Variants in PIK3C2B observed in about 807,000 individuals in gnomAD.
PIK3C2B encodes the protein phosphatidylinositol 4-phosphate 3-kinase C2 domain-containing subunit beta.
In PIK3C2B, 83 loss-of-function variants were observed where a neutral mutation model predicts 184.3. The ratio of observed to expected loss-of-function variants is 0.45; its 90% confidence interval spans 0.38 to 0.54. The LOEUF is 0.54. Among genes scored for constraint, PIK3C2B ranks in the 20% least tolerant of loss-of-function variants. The pLI is 0.00. For synonymous variants in PIK3C2B, 779 were observed against 837.6 expected (o/e 0.93, Z 1.21); for missense variants, 1,736 against 2,113.5 (o/e 0.82, Z 3.50).
At chr1:204,445,601 C>CAAAAAAAAAAAAAA (rs11287807) in intron 16 of PIK3C2B, among the ~76,000 whole-genome samples, 1 of 121,620 alleles carries the variant, frequency 8.2e-6, no homozygotes, top group Non-Finnish European at 1.6e-5. Context: ...GACCCTGTCT[C>CAAAAAAAAAAAAAA]AAAAAAAAAA....
Position 204,457,876 on chromosome 1 carries a change from T to C in PIK3C2B, c.1567-2A>G. On this transcript the variant is annotated splice_acceptor_variant, in intron 8 of 32. Coordinates refer to ENST00000684373, the MANE Select transcript of PIK3C2B (RefSeq NM_001377334.1). LOFTEE classifies it high-confidence loss of function. ...GTCAGCCTTCAGTGGGAAGTCTCCCTGTGGGAGGTGGCACAGTGAGGCTGG... is the reference window on the plus strand; with the variant it reads ...GTCAGCCTTCAGTGGGAAGTCTCCCCGTGGGAGGTGGCACAGTGAGGCTGG... 1 of 1,611,868 alleles carries C rather than the reference T, an allele frequency of 6.2e-7. No homozygotes were observed.
At chr1:204,445,633 T>G (rs1015908388) in intron 16 of PIK3C2B, among the ~76,000 whole-genome samples, 2 of 144,144 alleles carry the variant, frequency 1.4e-5, no homozygotes, top group African/African-American at 2.6e-5. Context: ...AAAAATAAGA[T>G]GGATAGATGG....
At position 204,469,775 on chromosome 1, in the gene PIK3C2B, G is replaced by A. The variant is rs2103516797; in HGVS notation, c.28C>T (p.His10Tyr). 2 of 1,613,798 alleles carry A rather than the reference G, an allele frequency of 1.2e-6. No individual in the cohort carries two copies. The highest frequency in any genetic ancestry group is 1.7e-6 in the Non-Finnish European group (2 of 1,179,748). MSSTQGNGE[H>Y]WKSLESVGIS... The stretch of plus-strand genomic sequence containing the variant: ...CCCACTGACTCCAGGGACTTCCAGT[G>A]TTCCCCATTGCCCTGAGTCGAAGAC... Residue 10 changes from histidine (H) to tyrosine (Y), a missense_variant, in exon 2 of 33, where the codon CAC (histidine) becomes TAC (tyrosine). Around this residue, in one of 8 missense-constraint regions of PIK3C2B, gnomAD observed 404 missense variants for 418.0 expected, o/e 0.97. Coordinates refer to ENST00000684373, the MANE Select transcript of PIK3C2B (RefSeq NM_001377334.1).
At chr1:204,427,891 T>A in intron 30 of PIK3C2B, 137 bp from the exon 31 acceptor site, 1 of 679,856 alleles carries the variant, frequency 1.5e-6, no homozygotes, top group South Asian at 1.7e-5. Context: ...GTAGTCTGAA[T>A]GTGATTAGAG....
intron 5 of PIK3C2B, among the ~76,000 whole-genome samples, chr1:204,462,572 A>T (rs1572359410): frequency 6.6e-6 from 1 of 152,124 alleles, no homozygotes. Context: ...CTGCCAGGCA[A>T]CCCTGAGTCT....
At chr1:204,439,457 A>G (rs1675526244) in intron 22 of PIK3C2B, among the ~76,000 whole-genome samples, 1 of 152,144 alleles carries the variant, frequency 6.6e-6, no homozygotes, top group Admixed American at 6.5e-5. Context: ...ACTCCCTGCC[A>G]CCTTGGTTGG....
At position 204,468,956 on chromosome 1, in the gene PIK3C2B, G is replaced by C. The variant is rs1267294071; in HGVS notation, c.847C>G (p.Gln283Glu). 6.2e-7 allele frequency: 1 copy of C among 1,614,152 alleles called. No individual in the cohort carries two copies. The highest frequency in any genetic ancestry group is 1.1e-5 in the South Asian group (1 of 91,080). Residue 283 changes from glutamine (Q) to glutamate (E), a missense_variant, in exon 2 of 33, where the codon CAG becomes GAG. Gln to Glu is a conservative substitution (Grantham distance 29). Transcript: ENST00000684373. ...PVARSKTMPP[Q>E]VPPRTYASRY... ...GAGGCATAGGTGCGGGGGGGCACCT[G>C]AGGGGGCATAGTCTTGCTCCTGGCC...
intron 1 of PIK3C2B, among the ~76,000 whole-genome samples, chr1:204,485,816 C>T (rs1238180134): frequency 6.6e-6 from 1 of 152,056 alleles, no homozygotes; most frequent in Admixed American, 6.6e-5. Context: ...AGCGATCTGC[C>T]TGCCCCGGCC....
At chr1:204,457,635 A>C (rs1654980619) in intron 9 of PIK3C2B, 93 bp downstream of exon 9, 2 of 1,229,182 alleles carry the variant, frequency 1.6e-6, no homozygotes, top group Admixed American at 5.8e-5. Flanking sequence ...CTTTTTAGTG[A>C]GTGAACACCT....
chr1:204,478,185 C>T (rs1011154530), intron 1 of PIK3C2B, among the ~76,000 whole-genome samples: 2 of 152,248 alleles, frequency 1.3e-5, no homozygotes, highest in African/African-American at 4.8e-5. Context: ...GACTTAAACC[C>T]TTTGGTGTCC....
At chr1:204,491,454 A>C (rs1658000757) in intron 1 of PIK3C2B, among the ~76,000 whole-genome samples, 1 of 151,938 alleles carries the variant, frequency 6.6e-6, no homozygotes, top group Non-Finnish European at 1.5e-5. Flanking sequence ...ACCCTTTGGG[A>C]GGCCAAGGCA....
chr1:204,448,530 C>T (rs1654068012), intron 14 of PIK3C2B, among the ~76,000 whole-genome samples: 1 of 150,882 alleles, frequency 6.6e-6, no homozygotes, highest in Non-Finnish European at 1.5e-5. Flanking sequence ...CTCATCTACT[C>T]GGGAGGCTGA....
chr1:204,473,347 C>G (rs1656445243), intron 1 of PIK3C2B, among the ~76,000 whole-genome samples: 1 of 152,250 alleles, frequency 6.6e-6, no homozygotes, highest in Non-Finnish European at 1.5e-5. Context: ...AAGCAGTTCA[C>G]TGTTAACTTA....
intron 1 of PIK3C2B, among the ~76,000 whole-genome samples, chr1:204,492,852 C>G (rs1193003403): frequency 1.3e-5 from 2 of 152,208 alleles, no homozygotes; most frequent in African/African-American, 2.4e-5. Context: ...GCAATCAAAC[C>G]TCAGGCTCAC....
At chr1:204,491,388 C>CA (rs34371258) in intron 1 of PIK3C2B, among the ~76,000 whole-genome samples, 27,020 of 127,004 alleles carry the variant, frequency 0.21, 2,804 homozygotes, top group Middle Eastern at 0.34. Flanking sequence ...GACTCTGTCT[C>CA]AAAAAAAAAA....
chr1:204,493,643 C>T (rs1276143386), intron 1 of PIK3C2B, among the ~76,000 whole-genome samples: 1 of 152,082 alleles, frequency 6.6e-6, no homozygotes, highest in Non-Finnish European at 1.5e-5. Flanking sequence ...AGCCCCTGGG[C>T]TCCCCACCCT....
intron 2 of PIK3C2B, chr1:204,467,130 T>C (rs901988347): frequency 8.5e-6 from 3 of 354,766 alleles, no homozygotes; most frequent in Non-Finnish European, 1.7e-5. Flanking sequence ...TCTGATGACA[T>C]GCAGGGGATG....
At chr1:204,449,625 G>A (rs1011169650) in intron 13 of PIK3C2B, among the ~76,000 whole-genome samples, 1 of 152,142 alleles carries the variant, frequency 6.6e-6, no homozygotes, top group Non-Finnish European at 1.5e-5. Context: ...GCTTTTCCAT[G>A]TATCCTTAAC....
chr1:204,432,324 G>C lies in PIK3C2B; in HGVS notation c.4031C>G (p.Thr1344Arg). Residue 1344 changes from threonine (T) to arginine (R), a missense_variant, in exon 27 of 33, where the codon ACG (threonine) becomes AGG (arginine). Physicochemically the swap from Thr to Arg is moderately conservative, Grantham distance 71. Around this residue, in one of 8 missense-constraint regions of PIK3C2B, gnomAD observed 119 missense variants for 179.3 expected, o/e 0.66. Transcript: ENST00000684373. The stretch of plus-strand genomic sequence containing the variant: ...GAGGGTCAGCCGGTCATCTGAGCCC[G>C]TGAACTTCATCTGAGCCAGATTATG... ...FIHNLAQMKF[T>R]GSDDRLTLSF... 6.2e-7 allele frequency: 1 copy of C among 1,614,102 alleles called. No individual in the cohort carries two copies. Among genetic ancestry groups the C allele is most frequent in the Non-Finnish European group, 8.5e-7 (1 of 1,179,978 alleles).
Sources: allele counts gnomAD v4.1 joint callset (sites outside exome capture counted in the v4.1 genomes callset), GRCh38; gene constraint gnomAD v4.1.1; regional missense constraint gnomAD v4.1.1; transcripts MANE v1.5; gene names NCBI Gene and HGNC (gene_info 2026-07-23, HGNC 2026-07-21).